The following SPRY3 variants were observed in gnomAD, a reference collection of about 807,000 sequenced individuals.
SPRY3 encodes protein sprouty homolog 3.
A neutral mutation model predicts 20.2 loss-of-function variants in SPRY3; 15 were observed. That is an observed-to-expected ratio of 0.74 (90% CI 0.50 to 1.14). SPRY3 has a LOEUF of 1.14. Among genes scored for constraint, SPRY3 ranks in the 50% most tolerant of loss-of-function variants. The pLI is 0.00. For missense variants in SPRY3, 364 were observed against 363.9 expected (o/e 1.00, Z 0.00); for synonymous variants, 143 against 136.5 (o/e 1.05, Z -0.33).
At chrX:155,711,250 T>G (rs999565544) in intron 2 of SPRY3, among the ~76,000 whole-genome samples, 5 of 151,886 alleles carry the variant, frequency 3.3e-5, no homozygotes, top group Middle Eastern at 3.4e-3. Flanking sequence ...TCTTTGAATG[T>G]TTGGTAGAAT....
At chrX:155,662,638 T>C (rs2068013278) in intron 2 of SPRY3, among the ~76,000 whole-genome samples, 1 of 97,579 alleles carries the variant, frequency 1.0e-5, no homozygotes, top group African/African-American at 3.9e-5. Flanking sequence ...GGCATATAAT[T>C]GGATTTCTAA....
chrX:155,680,032 G>C (rs1413324430), intron 2 of SPRY3, among the ~76,000 whole-genome samples: 2 of 110,093 alleles, frequency 1.8e-5, no homozygotes, highest in Non-Finnish European at 3.8e-5. Flanking sequence ...ATCAAAAAGT[G>C]AAACCACAAT....
At chrX:155,768,263 C>T (rs1170964716) in intron 3 of SPRY3, 127 bp downstream of exon 2, 1 of 151,832 alleles carries the variant, frequency 6.6e-6, no homozygotes, top group Admixed American at 6.6e-5. Context: ...TGGGCGCGCG[C>T]GCGCAAGCGC....
intron 2 of SPRY3, among the ~76,000 whole-genome samples, chrX:155,676,030 G>A (rs1159520143): frequency 4.5e-5 from 5 of 110,537 alleles, no homozygotes; most frequent in African/African-American, 9.9e-5. Context: ...GTTTTACATC[G>A]AAGTCATATT....
At chrX:155,780,059 A>G (rs1050974602), downstream of SPRY3, 7 of 167,018 alleles carry the variant, frequency 4.2e-5, no homozygotes, top group African/African-American at 1.7e-4. Flanking sequence ...TGGGAATGAC[A>G]CTGACTAATG....
chrX:155,726,669 C>T (rs145594988), intron 2 of SPRY3, among the ~76,000 whole-genome samples: 5,911 of 152,160 alleles, frequency 0.039, 135 homozygotes, highest in African/African-American at 0.05. Context: ...TTTCCATTTG[C>T]TTAGTAGATC....
At chrX:155,765,260 A>G (rs1479353789) in intron 2 of SPRY3, among the ~76,000 whole-genome samples, 3 of 149,494 alleles carry the variant, frequency 2.0e-5, no homozygotes, top group African/African-American at 5.0e-5. Context: ...ATACTGTGGT[A>G]TAGTGGTTAA....
chrX:155,630,083 A>AAAAC (rs1475700674), intron 1 of SPRY3, among the ~76,000 whole-genome samples: 1 of 112,076 alleles, frequency 8.9e-6, no homozygotes, highest in Non-Finnish European at 1.9e-5. Flanking sequence ...TGATAGCCAA[A>AAAAC]AAACAAACAA....
intron 2 of SPRY3, among the ~76,000 whole-genome samples, chrX:155,683,445 G>A (rs1224322058): frequency 8.9e-6 from 1 of 112,098 alleles, no homozygotes; most frequent in African/African-American, 3.2e-5. Flanking sequence ...ACTGTAGGCT[G>A]GGATGATTGT....
At chrX:155,774,883 A>G in exon 4 of SPRY3, 1 of 891,706 alleles carries the variant, frequency 1.1e-6, no homozygotes, top group South Asian at 1.7e-5. Context: ...GGGAATGACC[A>G]AGTACATCCT....
chrX:155,679,407 T>C (rs1160043700), intron 2 of SPRY3, among the ~76,000 whole-genome samples: 3 of 97,995 alleles, frequency 3.1e-5, no homozygotes, highest in Non-Finnish European at 6.0e-5. Flanking sequence ...GCTCTCTGCT[T>C]CAAAGATGGT....
chrX:155,683,772 A>C (rs991371270), intron 2 of SPRY3, among the ~76,000 whole-genome samples: 2 of 112,048 alleles, frequency 1.8e-5, no homozygotes, highest in African/African-American at 6.5e-5. Flanking sequence ...AATTTTGATC[A>C]TACAAATGGA....
chrX:155,738,126 T>C (rs2091181043), intron 2 of SPRY3, among the ~76,000 whole-genome samples: 1 of 152,046 alleles, frequency 6.6e-6, no homozygotes, highest in Non-Finnish European at 1.5e-5. Flanking sequence ...GAACTACAGG[T>C]GGATAAAGAG....
At chrX:155,705,372 T>C (rs1317196139) in intron 2 of SPRY3, among the ~76,000 whole-genome samples, 1 of 151,446 alleles carries the variant, frequency 6.6e-6, no homozygotes, top group African/African-American at 2.4e-5. Flanking sequence ...TTATTTAAAA[T>C]GTCATTAAGA....
intron 2 of SPRY3, among the ~76,000 whole-genome samples, chrX:155,684,944 G>A (rs1010276372): frequency 2.7e-5 from 3 of 111,056 alleles, no homozygotes; most frequent in Non-Finnish European, 1.9e-5. Context: ...CTTACTTCTG[G>A]GCCCCGTGCT....
chrX:155,638,353 T>C (rs1400068148), intron 1 of SPRY3, among the ~76,000 whole-genome samples: 1 of 13,790 alleles, frequency 7.3e-5, no homozygotes, highest in Non-Finnish European at 1.4e-4. Flanking sequence ...TATATATATA[T>C]ATATATATAT....
chrX:155,664,051 A>G (rs1478597141), intron 2 of SPRY3, among the ~76,000 whole-genome samples: 1 of 110,866 alleles, frequency 9.0e-6, no homozygotes, highest in East Asian at 2.8e-4. Flanking sequence ...CATAATAATC[A>G]CATCATGGAA....
At chrX:155,710,745 T>C (rs2090980680) in intron 2 of SPRY3, among the ~76,000 whole-genome samples, 1 of 151,478 alleles carries the variant, frequency 6.6e-6, no homozygotes, top group African/African-American at 2.4e-5. Context: ...GTTCTGATCT[T>C]AGAGGAAAAG....
At chrX:155,742,772 G>T (rs978283815) in intron 2 of SPRY3, among the ~76,000 whole-genome samples, 3 of 152,138 alleles carry the variant, frequency 2.0e-5, no homozygotes, top group Admixed American at 2.0e-4. Context: ...AAATCAAGAT[G>T]TTCTTTGAAA....
Sources: allele counts gnomAD v4.1 joint callset (sites outside exome capture counted in the v4.1 genomes callset), GRCh38; gene constraint gnomAD v4.1.1; transcripts MANE v1.5; gene names NCBI Gene and HGNC (gene_info 2026-07-23, HGNC 2026-07-21).